Variants in OR3A2 observed in about 807,000 individuals in gnomAD.
OR3A2 encodes olfactory receptor family 3 subfamily A member 2.
For missense variants in OR3A2, 318 were observed against 392.8 expected, an observed-to-expected ratio of 0.81 and a Z score of 1.61; for synonymous variants, 126 against 159.3, an observed-to-expected ratio of 0.79 and a Z score of 1.57.
intron 3 of OR3A2, among the ~76,000 whole-genome samples, chr17:3,323,727 G>A (rs1157442122): frequency 1.3e-5 from 2 of 152,090 alleles, no homozygotes; most frequent in African/African-American, 4.8e-5. Context: ...TGAGAGATCA[G>A]CTGTTAGTCT....
chr17:3,278,042 GA>G lies in OR3A2; in HGVS notation c.875del (p.Ile292ThrfsTer23), dbSNP rs1365579387. ...GAACATCAGGGTTTCTGAGGCTGTA[GA>G]TAAGAGGGTTCAGCATAGGGTTGAT... is the stretch of plus-strand genomic sequence containing the variant. On this transcript the variant is annotated frameshift_variant, in exon 2 of 2. Transcript: ENST00000642052. LOFTEE classifies it low-confidence loss of function (END_TRUNC). The G allele has an allele frequency of 6.2e-7, 1 of 1,612,998 alleles. No individual in the cohort carries two copies. Among genetic ancestry groups the G allele is most frequent in the Non-Finnish European group, 8.5e-7 (1 of 1,178,994 alleles).
chr17:3,321,792 T>C (rs1269482047), intron 3 of OR3A2, among the ~76,000 whole-genome samples: 6 of 152,174 alleles, frequency 3.9e-5, no homozygotes, highest in South Asian at 2.1e-4. Flanking sequence ...CAGTATTTTA[T>C]TGAGGATTTT....
At chr17:3,302,969 T>C (rs1362423591) in intron 3 of OR3A2, among the ~76,000 whole-genome samples, 1 of 152,236 alleles carries the variant, frequency 6.6e-6, no homozygotes, top group African/African-American at 2.4e-5. Context: ...TTAAATAGTG[T>C]TATATTTGAG....
chr17:3,377,629 G>A (rs1159386867), intron 2 of OR3A2: 1 of 152,308 alleles, frequency 6.6e-6, no homozygotes, highest in Admixed American at 6.5e-5. Flanking sequence ...CCTCTACCAA[G>A]CTGTTCCATT....
intron 2 of OR3A2, among the ~76,000 whole-genome samples, chr17:3,368,806 A>T (rs1399380788): frequency 6.6e-6 from 1 of 152,030 alleles, no homozygotes; most frequent in Non-Finnish European, 1.5e-5. Context: ...CATTGCAATG[A>T]ATTTGTAGAT....
At chr17:3,319,808 C>A (rs1456632107) in intron 3 of OR3A2, among the ~76,000 whole-genome samples, 4 of 152,146 alleles carry the variant, frequency 2.6e-5, no homozygotes, top group African/African-American at 9.7e-5. Flanking sequence ...CAAGTCTTTG[C>A]TATTGTGAAT....
rs745396997 is a variant in OR3A2, at chr17:3,311,204, G to A, written c.-85+24829C>T. ...CACTCATCTACTGGACATCTCTGCT[G>A]GACGTCGGGTGCATCAGTCACTGTT... On this transcript the variant is annotated intron_variant, in intron 3 of 4. Transcript: ENST00000573491. This position sits in a 1 kb window ranked among gnomAD's most constrained non-coding sequence, Gnocchi z 4.6. The A allele has an allele frequency of 7.5e-6, 4 of 536,650 alleles. No individual in the cohort carries two copies. Among genetic ancestry groups the A allele is most frequent in the South Asian group, 5.6e-5 (4 of 71,612 alleles). 33.2% of individuals were successfully genotyped at this position (536,650 alleles called of 1,614,324 possible).
At position 3,279,173 on chromosome 17, in the gene OR3A2, A is replaced by G. The variant is rs1481863564; in HGVS notation, c.-6-250T>C. On this transcript the variant is annotated intron_variant, in intron 1 of 1. Transcript: ENST00000642052. The stretch of plus-strand genomic sequence containing the variant: ...GAATACCTGGAACAACATGAGAACT[A>G]TAGTTAATAAAGTGTATTGCATTCA... The G allele has an allele frequency of 3.3e-6, 2 of 613,598 alleles. No homozygotes were observed. The highest frequency in any genetic ancestry group is 5.6e-6 in the Non-Finnish European group (2 of 356,582). The allele number at this position is 613,598 out of a possible 1,614,324, so 38.0% of individuals were successfully genotyped here. A position where few individuals can be genotyped will look rare whatever the true frequency, so the allele number is the denominator to read the frequency against.
At chr17:3,368,471 G>C (rs542287128) in intron 2 of OR3A2, among the ~76,000 whole-genome samples, 16 of 152,104 alleles carry the variant, frequency 1.1e-4, no homozygotes, top group Non-Finnish European at 1.8e-4. Flanking sequence ...AATTATGCCA[G>C]CACCATTTGT....
At chr17:3,355,110 A>G (rs2049454330) in intron 2 of OR3A2, among the ~76,000 whole-genome samples, 1 of 151,386 alleles carries the variant, frequency 6.6e-6, no homozygotes, top group South Asian at 2.1e-4. Flanking sequence ...ATAGTTTCCA[A>G]AATTCTTCTT....
At chr17:3,371,845 G>A (rs1396601716) in intron 2 of OR3A2, among the ~76,000 whole-genome samples, 4 of 123,756 alleles carry the variant, frequency 3.2e-5, no homozygotes, top group Admixed American at 1.6e-4. Context: ...ACCACCTCCC[G>A]CCCGGACGGG....
intron 3 of OR3A2, among the ~76,000 whole-genome samples, chr17:3,321,561 C>T (rs2049122421): frequency 1.3e-5 from 2 of 152,046 alleles, no homozygotes; most frequent in South Asian, 2.1e-4. Flanking sequence ...CCTATCAATA[C>T]CTAATTTATT....
intron 3 of OR3A2, among the ~76,000 whole-genome samples, chr17:3,302,433 A>C (rs1178180378): frequency 6.6e-6 from 1 of 152,198 alleles, no homozygotes; most frequent in Non-Finnish European, 1.5e-5. Context: ...CCTCAGAAAT[A>C]ATACCACACA....
At chr17:3,369,535 A>G (rs1013849729) in intron 2 of OR3A2, among the ~76,000 whole-genome samples, 15 of 152,216 alleles carry the variant, frequency 9.9e-5, no homozygotes, top group African/African-American at 3.4e-4. Flanking sequence ...GTATTCATTT[A>G]TTGACTTATG....
intron 2 of OR3A2, among the ~76,000 whole-genome samples, chr17:3,339,817 C>G (rs2049302081): frequency 6.6e-6 from 1 of 152,068 alleles, no homozygotes; most frequent in African/African-American, 2.4e-5. Context: ...CCCTCTTTTT[C>G]TATTGATTGG....
At chr17:3,302,274 G>A (rs2855664) in intron 3 of OR3A2, among the ~76,000 whole-genome samples, 96,520 of 151,976 alleles carry the variant, frequency 0.64, 31,471 homozygotes, top group East Asian at 1. Context: ...AAAAAAGAGC[G>A]CACATTGCCA....
At chr17:3,304,825 A>G (rs560162461) in intron 3 of OR3A2, among the ~76,000 whole-genome samples, 1 of 152,346 alleles carries the variant, frequency 6.6e-6, no homozygotes, top group South Asian at 2.1e-4. Context: ...TCAGCAATAA[A>G]AAATAAACTA....
intron 2 of OR3A2, among the ~76,000 whole-genome samples, chr17:3,348,744 T>A (rs1428706707): frequency 6.6e-6 from 1 of 151,832 alleles, no homozygotes; most frequent in African/African-American, 2.4e-5. Flanking sequence ...TCACCAAAGT[T>A]GAAATGAAGG....
At chr17:3,294,184 A>T (rs545073112) in intron 3 of OR3A2, among the ~76,000 whole-genome samples, 5 of 152,202 alleles carry the variant, frequency 3.3e-5, no homozygotes, top group Admixed American at 6.5e-5. Flanking sequence ...TAAAATAAAA[A>T]AAAAACTTAA....
Sources: gnomAD v4.1 joint callset for allele counts (sites outside exome capture counted in the v4.1 genomes callset) on GRCh38, gnomAD v4.1.1 for gene constraint, Gnocchi (gnomAD v3.1) non-coding constraint, MANE v1.5 for transcripts, NCBI Gene and HGNC (gene_info 2026-07-23, HGNC 2026-07-21) for gene names.